PRKCE: variants seen among roughly 807,000 people sequenced by gnomAD.
The protein encoded by PRKCE is protein kinase C epsilon, also known as protein kinase C epsilon type.
In PRKCE, 16 loss-of-function variants were observed where a neutral mutation model predicts 85.4. That is an observed-to-expected ratio of 0.19 (90% CI 0.13 to 0.28). The LOEUF is 0.28. Ranked by LOEUF, PRKCE falls within the 10% of genes least tolerant of loss-of-function variation. The pLI is 1.00. For missense variants in PRKCE, 573 were observed against 975.2 expected (o/e 0.59, Z 5.49); for synonymous variants, 388 against 371.5 (o/e 1.04, Z -0.51).
At chr2:46,009,761 G>A (rs1246392475) in intron 9 of PRKCE, among the ~76,000 whole-genome samples, 1 of 152,196 alleles carries the variant, frequency 6.6e-6, no homozygotes, top group Non-Finnish European at 1.5e-5. Context: ...TAATTTGAGG[G>A]AAATGGTTAA....
chr2:45,845,158 C>G (rs1317878921), intron 2 of PRKCE, among the ~76,000 whole-genome samples: 1 of 149,576 alleles, frequency 6.7e-6, no homozygotes, highest in Non-Finnish European at 1.5e-5. Flanking sequence ...AGAAGCTGCT[C>G]TTGTTGTTTG....
chr2:45,794,332 G>A (rs77171143), intron 1 of PRKCE, among the ~76,000 whole-genome samples: 5,547 of 152,168 alleles, frequency 0.036, 154 homozygotes, highest in Non-Finnish European at 0.054. Flanking sequence ...CTGGGCTGGC[G>A]TTTCCTTCGA....
intron 2 of PRKCE, among the ~76,000 whole-genome samples, chr2:45,967,403 G>A (rs1430483917): frequency 1.3e-5 from 2 of 152,142 alleles, no homozygotes; most frequent in South Asian, 4.1e-4. Flanking sequence ...TGGGGTGAAG[G>A]AGGTCCTGGA....
intron 10 of PRKCE, among the ~76,000 whole-genome samples, chr2:46,055,572 G>T (rs1298343388): frequency 6.6e-6 from 1 of 152,194 alleles, no homozygotes; most frequent in Non-Finnish European, 1.5e-5. Flanking sequence ...CTACCAGATA[G>T]AAAATTCTTC....
chr2:45,805,685 C>T (rs1234219088), intron 1 of PRKCE, among the ~76,000 whole-genome samples: 2 of 151,826 alleles, frequency 1.3e-5, no homozygotes, highest in Non-Finnish European at 2.9e-5. Context: ...CAACCTCCGC[C>T]TCCCGGGTTA....
At chr2:45,838,494 A>C (rs1691077259) in intron 1 of PRKCE, among the ~76,000 whole-genome samples, 1 of 152,168 alleles carries the variant, frequency 6.6e-6, no homozygotes, top group African/African-American at 2.4e-5. Context: ...CCCTTCTTTC[A>C]TGAGTACCAC....
At chr2:45,730,455 A>ATT (rs56947431) in intron 1 of PRKCE, among the ~76,000 whole-genome samples, 18 of 128,534 alleles carry the variant, frequency 1.4e-4, no homozygotes, top group African/African-American at 1.4e-4. Flanking sequence ...ACCAGTTGTA[A>ATT]TTTTTTTTTT....
intron 2 of PRKCE, among the ~76,000 whole-genome samples, chr2:45,950,340 C>A (rs1700538342): frequency 6.6e-6 from 1 of 152,190 alleles, no homozygotes; most frequent in Non-Finnish European, 1.5e-5. Context: ...CCATTTATTA[C>A]CCCATCATGG....
chr2:45,746,897 C>A (rs143528158), intron 1 of PRKCE, among the ~76,000 whole-genome samples: 70 of 152,242 alleles, frequency 4.6e-4, no homozygotes, highest in African/African-American at 1.6e-3. Context: ...TCTCCTTATC[C>A]CAGGCCTGGA....
chr2:46,169,688 T>TC (rs1574656833), intron 14 of PRKCE, among the ~76,000 whole-genome samples: 1 of 152,154 alleles, frequency 6.6e-6, no homozygotes, highest in Non-Finnish European at 1.5e-5. Context: ...CCGCACTCCG[T>TC]CCCCCCTAGC....
At chr2:46,091,231 T>G (rs768969846) in intron 11 of PRKCE, among the ~76,000 whole-genome samples, 2 of 152,142 alleles carry the variant, frequency 1.3e-5, no homozygotes, top group Non-Finnish European at 2.9e-5. Flanking sequence ...TTCCTAATTA[T>G]GGCATTTAAC....
At chr2:46,089,296 C>T (rs1310582858) in intron 11 of PRKCE, among the ~76,000 whole-genome samples, 1 of 152,202 alleles carries the variant, frequency 6.6e-6, no homozygotes, top group East Asian at 1.9e-4. Flanking sequence ...TCCTCTATAT[C>T]TAGCCCCCCA....
chr2:45,702,906 C>T (rs1260687910), intron 1 of PRKCE, among the ~76,000 whole-genome samples: 1 of 152,168 alleles, frequency 6.6e-6, no homozygotes. Context: ...AAGAGTCATT[C>T]CACAGAAAGA....
In PRKCE at chr2:45,948,713, G is replaced by A. The variant is rs191287447; in HGVS notation, c.413-27716G>A. Among the ~76,000 whole-genome samples, 5 of 152,154 alleles carry A rather than the reference G, an allele frequency of 3.3e-5. No individual in the cohort carries two copies. The East Asian group carries it at 9.6e-4, about 29-fold the overall frequency. On this transcript the variant is annotated intron_variant, in intron 2 of 14. Coordinates refer to ENST00000306156, the MANE Select transcript of PRKCE (RefSeq NM_005400.3). ...AGTCAGTTCAAGTCTCCTTGTTGGG[G>A]GATTCCTGCTCTTTCTGTCTGCCCA...
chr2:45,718,339 C>CTTT (rs10708579), intron 1 of PRKCE, among the ~76,000 whole-genome samples: 2 of 83,340 alleles, frequency 2.4e-5, no homozygotes, highest in Non-Finnish European at 4.4e-5. Flanking sequence ...CAAATGCTTA[C>CTTT]TTTTTTTTTT....
At position 46,155,229 on chromosome 2, in the gene PRKCE, TAACTAGTTCAATTAAATGATTAC is replaced by T. The variant is rs1361841053; in HGVS notation, c.1920+4012_1920+4034del. The stretch of plus-strand genomic sequence containing the variant: ...AAAATCTCGAAACATTAAATGATTA[TAACTAGTTCAATTAAATGATTAC>T]AACTAGTTCAACTGAGAGCCAAGGA... On this transcript the variant is annotated intron_variant, in intron 13 of 14. Transcript: ENST00000306156. This position sits in a 1 kb window ranked among gnomAD's most constrained non-coding sequence, Gnocchi z 4.7. Among the ~76,000 whole-genome samples, 3 of 152,186 alleles carry T rather than the reference TAACTAGTTCAATTAAATGATTAC, an allele frequency of 2.0e-5. No homozygotes were observed. Among genetic ancestry groups the T allele is most frequent in the Non-Finnish European group, 2.9e-5 (2 of 68,036 alleles).
At chr2:45,893,315 C>T (rs2103624987) in intron 2 of PRKCE, among the ~76,000 whole-genome samples, 1 of 151,986 alleles carries the variant, frequency 6.6e-6, no homozygotes, top group Non-Finnish European at 1.5e-5. Flanking sequence ...GGATCATCTC[C>T]CACAGCACAG....
chr2:45,795,974 C>T (rs1358601604), intron 1 of PRKCE, among the ~76,000 whole-genome samples: 3 of 152,216 alleles, frequency 2.0e-5, no homozygotes, highest in Admixed American at 2.0e-4. Flanking sequence ...ATAAACACAG[C>T]TCATTATTTC....
intron 11 of PRKCE, among the ~76,000 whole-genome samples, chr2:46,125,348 T>A (rs1290228681): frequency 2.0e-5 from 3 of 152,350 alleles, no homozygotes; most frequent in African/African-American, 7.2e-5. Context: ...AGAAACTCCT[T>A]TGTACCCAGC....
Sources: allele counts gnomAD v4.1 joint callset (sites outside exome capture counted in the v4.1 genomes callset), GRCh38; gene constraint gnomAD v4.1.1; non-coding constraint Gnocchi (gnomAD v3.1); transcripts MANE v1.5; gene names NCBI Gene and HGNC (gene_info 2026-07-23, HGNC 2026-07-21).